Variants in SH3BP5 observed in about 807,000 individuals in gnomAD.
SH3BP5 encodes SH3 domain binding protein 5.
SH3BP5 carries 22 observed loss-of-function variants against 43.3 expected under a neutral mutation model. That is an observed-to-expected ratio of 0.51 (90% CI 0.36 to 0.73). The LOEUF (loss-of-function observed/expected upper bound fraction) is 0.73. SH3BP5 is among the 30% of genes least tolerant of loss of function. The probability of loss-of-function intolerance (pLI) is 0.00; values close to 1 mark genes in which losing one functional copy is unlikely to be tolerated. For missense variants in SH3BP5, 529 were observed against 586.9 expected, an observed-to-expected ratio of 0.90 and a Z score of 1.02; for synonymous variants, 255 against 225.8, an observed-to-expected ratio of 1.13 and a Z score of -1.16.
intron 2 of SH3BP5, among the ~76,000 whole-genome samples, chr3:15,309,318 G>A (rs1026146957): frequency 6.6e-6 from 1 of 152,152 alleles, no homozygotes; most frequent in African/African-American, 2.4e-5. Context: ...GTTTTTGGGG[G>A]TTTTTTGGGT....
At chr3:15,267,215 A>G (rs1016595875) in intron 4 of SH3BP5, among the ~76,000 whole-genome samples, 16 of 152,222 alleles carry the variant, frequency 1.1e-4, no homozygotes, top group Non-Finnish European at 2.2e-4. Flanking sequence ...GGAAACGCTA[A>G]GTCCAGAGAG....
intron 4 of SH3BP5, among the ~76,000 whole-genome samples, chr3:15,268,228 GT>G (rs1696697326): frequency 6.6e-6 from 1 of 152,198 alleles, no homozygotes; most frequent in Non-Finnish European, 1.5e-5. Flanking sequence ...AGTCATTTGT[GT>G]GCCAAGCTTT....
At chr3:15,283,589 C>G (rs1036613065) in intron 3 of SH3BP5, among the ~76,000 whole-genome samples, 20 of 152,188 alleles carry the variant, frequency 1.3e-4, no homozygotes, top group African/African-American at 4.8e-4. Flanking sequence ...CTGTTAGTGG[C>G]CACACCACTC....
chr3:15,307,061 C>G (rs1697929872), intron 2 of SH3BP5, among the ~76,000 whole-genome samples: 2 of 152,156 alleles, frequency 1.3e-5, no homozygotes, highest in Admixed American at 1.3e-4. Context: ...TCATCCCAAG[C>G]TGTTGGCTTG....
chr3:15,304,120 G>A lies in SH3BP5; in HGVS notation c.313C>T (p.Arg105Trp), dbSNP rs760482426. 1.2e-6 allele frequency: 2 copies of A among 1,614,072 alleles called. No homozygotes were observed. The highest frequency in any genetic ancestry group is 1.1e-5 in the South Asian group (1 of 91,080). Reference sequence around the variant, plus strand: ...TATCTTACCTGCCTCGCCACCCTCCGTGCCTCCCAGTAGGGCTTGGAGTCT... The same window carrying A: ...TATCTTACCTGCCTCGCCACCCTCCATGCCTCCCAGTAGGGCTTGGAGTCT... Reference protein sequence around the residue: ...VEDSKPYWEARRVARQAQLEA... With the variant: ...VEDSKPYWEAWRVARQAQLEA... Residue 105 changes from arginine to tryptophan, a missense_variant, in exon 3 of 9, where the codon CGG (arginine) becomes TGG (tryptophan). Transcript: ENST00000383791.
chr3:15,309,385 C>T (rs1338382342), intron 2 of SH3BP5, among the ~76,000 whole-genome samples: 1 of 151,970 alleles, frequency 6.6e-6, no homozygotes, highest in East Asian at 1.9e-4. Context: ...TTTTTGTCTT[C>T]TTAAGAGACA....
At chr3:15,291,261 G>A (rs991012994) in intron 3 of SH3BP5, among the ~76,000 whole-genome samples, 4 of 152,176 alleles carry the variant, frequency 2.6e-5, no homozygotes, top group African/African-American at 9.7e-5. Flanking sequence ...GCTAAGGAAT[G>A]ACAAAGTGGG....
At chr3:15,275,395 T>A (rs190431193) in intron 3 of SH3BP5, among the ~76,000 whole-genome samples, 40 of 152,372 alleles carry the variant, frequency 2.6e-4, no homozygotes, top group Non-Finnish European at 5.4e-4. Context: ...ATATGAAAGA[T>A]GACACCTAGA....
chr3:15,330,416 C>T (rs529423505), intron 2 of SH3BP5, 88 bp downstream of exon 2: 1 of 1,083,866 alleles, frequency 9.2e-7, no homozygotes, highest in African/African-American at 1.5e-5. Context: ...CCAGCAATAA[C>T]ACTCCAGCTA....
rs147068885 is a variant in SH3BP5, at chr3:15,330,779, G to C, written c.139-213C>G. 7.1e-4 allele frequency: 700 copies of C among 984,448 alleles called. 6 individuals are homozygous for C. The African/African-American group carries it at 0.011, about 16-fold the overall frequency. 61.0% of individuals were successfully genotyped at this position (984,448 alleles called of 1,614,324 possible). A position where few individuals can be genotyped will look rare whatever the true frequency, so the allele number is the denominator to read the frequency against. On this transcript the variant is annotated intron_variant, in intron 1 of 8. Coordinates refer to ENST00000383791, the MANE Select transcript of SH3BP5 (RefSeq NM_004844.5). ...CCATTTTCTTGAGGGTGTCCCTTTT[G>C]ACAATGTCTTCAGAGACATTTGGAA...
intron 2 of SH3BP5, among the ~76,000 whole-genome samples, chr3:15,322,947 T>C (rs1698369041): frequency 6.6e-6 from 1 of 151,808 alleles, no homozygotes; most frequent in Non-Finnish European, 1.5e-5. Flanking sequence ...TTGACCAGCC[T>C]GACCAACATG....
At position 15,318,083 on chromosome 3, in the gene SH3BP5, T is replaced by G. The variant is rs376763894; in HGVS notation, c.201+12421A>C. On this transcript the variant is annotated intron_variant, in intron 2 of 8. Coordinates refer to ENST00000383791, the MANE Select transcript of SH3BP5 (RefSeq NM_004844.5). The stretch of plus-strand genomic sequence containing the variant: ...TGTGTGACCTGAGAGAATTGACTTA[T>G]TCACTCAGTGTCTCCCTTTCTCATC... 1.7e-3 allele frequency among the ~76,000 whole-genome samples: 261 copies of G among 152,354 alleles called. 2 individuals carry two copies. Among genetic ancestry groups the G allele is most frequent in the African/African-American group, 6.0e-3 (248 of 41,584 alleles).
intron 2 of SH3BP5, 44 bp downstream of exon 2, chr3:15,330,460 G>T: frequency 6.6e-7 from 1 of 1,504,250 alleles, no homozygotes. Context: ...GTGCCGGTGT[G>T]AGTGACATCA....
intron 3 of SH3BP5, among the ~76,000 whole-genome samples, chr3:15,284,206 G>C (rs988035226): frequency 6.6e-6 from 1 of 152,152 alleles, no homozygotes. Flanking sequence ...ATCCTGATGG[G>C]AACCCACAGT....
chr3:15,259,095 C>G (rs756455547), intron 6 of SH3BP5, 45 bp from the exon 7 acceptor site: 8 of 1,458,118 alleles, frequency 5.5e-6, no homozygotes, highest in Admixed American at 1.7e-5. Flanking sequence ...CCCTGCTAGC[C>G]TTAAGATGCT....
intron 2 of SH3BP5, among the ~76,000 whole-genome samples, chr3:15,323,105 T>G (rs544960338): frequency 2.8e-4 from 42 of 150,246 alleles, no homozygotes; most frequent in Admixed American, 1.3e-4. Flanking sequence ...ATCATTGCAC[T>G]CCGGTTTTTG....
intron 2 of SH3BP5, among the ~76,000 whole-genome samples, chr3:15,312,552 A>C (rs905828091): frequency 1.3e-5 from 2 of 152,204 alleles, no homozygotes; most frequent in Non-Finnish European, 2.9e-5. Context: ...TGCTCTACAT[A>C]AACCCCTCTT....
intron 3 of SH3BP5, among the ~76,000 whole-genome samples, chr3:15,289,907 C>T (rs1697364316): frequency 6.6e-6 from 1 of 152,208 alleles, no homozygotes; most frequent in South Asian, 2.1e-4. Context: ...ATAAGGAGAA[C>T]CTTCACTAAG....
chr3:15,329,161 AAT>A (rs1698538907), intron 2 of SH3BP5, among the ~76,000 whole-genome samples: 1 of 149,498 alleles, frequency 6.7e-6, no homozygotes, highest in African/African-American at 2.4e-5. Context: ...AAAAAAAAAA[AAT>A]TTTAATTAAA....
Sources: allele counts gnomAD v4.1 joint callset (sites outside exome capture counted in the v4.1 genomes callset), GRCh38; gene constraint gnomAD v4.1.1; transcripts MANE v1.5; gene names NCBI Gene and HGNC (gene_info 2026-07-23, HGNC 2026-07-21).